NVL: variants seen among roughly 807,000 people sequenced by gnomAD.
NVL encodes nuclear VCP like, also known as nuclear valosin-containing protein-like.
NVL carries 84 observed loss-of-function variants against 110.2 expected under a neutral mutation model. That is an observed-to-expected ratio of 0.76 (90% CI 0.64 to 0.91). The LOEUF (loss-of-function observed/expected upper bound fraction) is 0.91, where lower values mean the gene tolerates loss of function less well. Ranked by LOEUF, NVL falls within the 40% of genes least tolerant of loss-of-function variation. The pLI is 0.00. For missense variants in NVL, 882 were observed against 1,035.9 expected, an observed-to-expected ratio of 0.85 and a Z score of 2.04; for synonymous variants, 354 against 361.1, an observed-to-expected ratio of 0.98 and a Z score of 0.22.
chr1:224,287,763 T>G lies in NVL; in HGVS notation c.1794+12A>C. ...TGACATGCCAATAATATTTGGCAGC[T>G]GATATACCTACCAATATTGCCATGG... On this transcript the variant is annotated intron_variant, in intron 14 of 22. Coordinates refer to ENST00000281701, the MANE Select transcript of NVL (RefSeq NM_002533.4). The G allele has an allele frequency of 2.5e-6, 4 of 1,608,612 alleles. No individual in the cohort carries two copies. Among genetic ancestry groups the G allele is most frequent in the South Asian group, 1.1e-5 (1 of 90,944 alleles).
intron 16 of NVL, 50 bp downstream of exon 16, chr1:224,281,073 G>T: frequency 1.4e-6 from 2 of 1,473,718 alleles, no homozygotes. Flanking sequence ...TAATTTGCAT[G>T]ACCATTACTT....
chr1:224,317,561 A>G (rs550126003), intron 4 of NVL, 133 bp downstream of exon 4: 5 of 616,304 alleles, frequency 8.1e-6, no homozygotes, highest in African/African-American at 3.7e-5. Flanking sequence ...AGAACATTCA[A>G]TATGGCTGAA....
At chr1:224,292,195 G>A (rs1399843528) in intron 12 of NVL, among the ~76,000 whole-genome samples, 2 of 152,142 alleles carry the variant, frequency 1.3e-5, no homozygotes, top group Admixed American at 1.3e-4. Context: ...CTTGAGGGCA[G>A]GAGTTCAAGA....
In NVL at chr1:224,296,557, A is replaced by G; in HGVS notation, c.1124T>C (p.Val375Ala). The G allele has an allele frequency of 6.2e-7, 1 of 1,609,592 alleles. No individual in the cohort carries two copies. Among genetic ancestry groups the G allele is most frequent in the Non-Finnish European group, 8.5e-7 (1 of 1,177,992 alleles). Residue 375 changes from valine to alanine, a missense_variant, in exon 11 of 23, where the codon GTG becomes GCG. By Grantham distance (64) the Val-to-Ala change is moderately conservative. Transcript: ENST00000281701. ...TCTTCGTTCCATATCTTTTGAAGCC[A>G]CTTCTCTTTTGGGGGTAATAGCATC... ...EIDAITPKRE[V>A]ASKDMERRIV...
Position 224,232,911 on chromosome 1 carries a change from G to A in NVL, c.2455+290C>T, listed in dbSNP as rs561487521. ...AGATATCACCTTAGCAAAAGAATACGTTTTTCCAGAATTGATAAGCAGCCC... is the reference window on the plus strand; with the variant it reads ...AGATATCACCTTAGCAAAAGAATACATTTTTCCAGAATTGATAAGCAGCCC... On this transcript the variant is annotated intron_variant, in intron 21 of 22. Transcript: ENST00000281701. 4.3e-5 allele frequency: 11 copies of A among 258,240 alleles called. No individual in the cohort carries two copies. In the Admixed American group the frequency reaches 4.8e-4, roughly 11 times the overall value. 16.0% of individuals were successfully genotyped at this position (258,240 alleles called of 1,614,324 possible).
chr1:224,247,381 T>C (rs905055429), intron 19 of NVL, among the ~76,000 whole-genome samples: 1 of 151,372 alleles, frequency 6.6e-6, no homozygotes, highest in Admixed American at 6.6e-5. Context: ...AATTAAAAAA[T>C]TTTCTTGGCC....
chr1:224,303,774 AAGG>A lies in NVL; in HGVS notation c.906_908del (p.Leu303del). The A allele has an allele frequency of 6.2e-7, 1 of 1,613,718 alleles. No homozygotes were observed. The highest frequency in any genetic ancestry group is 1.1e-5 in the South Asian group (1 of 90,954). On this transcript the variant is annotated inframe_deletion, in exon 9 of 23. Coordinates refer to ENST00000281701, the MANE Select transcript of NVL (RefSeq NM_002533.4). ...TCTTCCCACAGCCTGGTGGTCCATG[AAGG>A]AGAACTCCACGAGGGGGCACGACGC...
intron 18 of NVL, among the ~76,000 whole-genome samples, chr1:224,265,537 CAAACTT>C (rs1400420072): frequency 2.6e-5 from 4 of 152,046 alleles, no homozygotes; most frequent in Non-Finnish European, 5.9e-5. Context: ...ATAAAATAAA[CAAACTT>C]AAAATATGGT....
chr1:224,278,725 T>C (rs1362605962), intron 16 of NVL, among the ~76,000 whole-genome samples: 1 of 152,098 alleles, frequency 6.6e-6, no homozygotes, highest in Non-Finnish European at 1.5e-5. Context: ...ATAAAAATAG[T>C]TAGCAATATC....
intron 19 of NVL, among the ~76,000 whole-genome samples, chr1:224,246,355 C>T (rs1661822490): frequency 6.6e-6 from 1 of 152,080 alleles, no homozygotes; most frequent in East Asian, 1.9e-4. Context: ...AAATATTCAC[C>T]CTTTGGTCTG....
intron 10 of NVL, among the ~76,000 whole-genome samples, chr1:224,299,962 C>T (rs1027685719): frequency 2.0e-5 from 3 of 152,114 alleles, no homozygotes; most frequent in Non-Finnish European, 2.9e-5. Context: ...AAACTTTTCA[C>T]CATTTTTTAG....
intron 18 of NVL, among the ~76,000 whole-genome samples, chr1:224,252,076 C>T (rs1019154366): frequency 3.3e-5 from 5 of 152,134 alleles, no homozygotes; most frequent in African/African-American, 7.2e-5. Context: ...CACATTCTTC[C>T]AACTCCCACG....
At chr1:224,293,632 A>G (rs761794093) in intron 12 of NVL, among the ~76,000 whole-genome samples, 10 of 152,224 alleles carry the variant, frequency 6.6e-5, no homozygotes, top group African/African-American at 1.2e-4. Flanking sequence ...GATTTAACCT[A>G]TAAGTGGACC....
intron 5 of NVL, 114 bp downstream of exon 5, chr1:224,311,686 T>C: frequency 1.3e-6 from 1 of 786,282 alleles, no homozygotes. Context: ...TCCCAAAGTG[T>C]TGGGATTAGA....
At chr1:224,243,603 GAAC>G (rs1661455769) in intron 19 of NVL, among the ~76,000 whole-genome samples, 1 of 151,510 alleles carries the variant, frequency 6.6e-6, no homozygotes, top group Non-Finnish European at 1.5e-5. Flanking sequence ...ATACTACATG[GAAC>G]AGAGTAAGGG....
intron 17 of NVL, among the ~76,000 whole-genome samples, chr1:224,270,689 A>C (rs1488081655): frequency 1.3e-5 from 2 of 152,312 alleles, no homozygotes; most frequent in Non-Finnish European, 2.9e-5. Flanking sequence ...ATAGAGTACC[A>C]ATTAATGTAA....
At chr1:224,302,186 A>G (rs376897030) in intron 9 of NVL, among the ~76,000 whole-genome samples, 9 of 152,038 alleles carry the variant, frequency 5.9e-5, no homozygotes, top group African/African-American at 1.9e-4. Flanking sequence ...AGCGCTTGGT[A>G]TAACATGCTA....
At chr1:224,270,519 T>C (rs896152862) in intron 17 of NVL, among the ~76,000 whole-genome samples, 12 of 152,022 alleles carry the variant, frequency 7.9e-5, no homozygotes, top group African/African-American at 2.7e-4. Context: ...GATTGCATCA[T>C]TGCATTCCAG....
intron 20 of NVL, among the ~76,000 whole-genome samples, chr1:224,234,039 C>G (rs1162548725): frequency 1.3e-5 from 2 of 151,992 alleles, no homozygotes; most frequent in Admixed American, 6.6e-5. Context: ...CAAGAAAACC[C>G]CCCAAAAAGT....
Sources: gnomAD v4.1 joint callset for allele counts (sites outside exome capture counted in the v4.1 genomes callset) on GRCh38, gnomAD v4.1.1 for gene constraint, MANE v1.5 for transcripts, NCBI Gene and HGNC (gene_info 2026-07-23, HGNC 2026-07-21) for gene names.